The following DYM variants were observed in gnomAD, a reference collection of about 807,000 sequenced individuals.
DYM encodes the protein dymeclin, also known as dyggve-Melchior-Clausen syndrome protein.
A neutral mutation model predicts 93.1 loss-of-function variants in DYM; 78 were observed. That is an observed-to-expected ratio of 0.84 (90% CI 0.70 to 1.01). DYM has a LOEUF of 1.01. Ranked by LOEUF, DYM falls within the 50% of genes least tolerant of loss-of-function variation. DYM has a pLI of 0.00. For synonymous variants in DYM, 321 were observed against 319.7 expected, an observed-to-expected ratio of 1.00 and a Z score of -0.04; for missense variants, 789 against 845.0, an observed-to-expected ratio of 0.93 and a Z score of 0.82.
At chr18:49,168,287 A>G (rs1049429838) in intron 14 of DYM, among the ~76,000 whole-genome samples, 1 of 152,322 alleles carries the variant, frequency 6.6e-6, no homozygotes, top group South Asian at 2.1e-4. Context: ...AACACTGGAT[A>G]CATACATGAG....
At chr18:49,186,328 C>CT (rs1305051249) in intron 14 of DYM, among the ~76,000 whole-genome samples, 1 of 152,120 alleles carries the variant, frequency 6.6e-6, no homozygotes, top group Non-Finnish European at 1.5e-5. Context: ...TAAAGCACAA[C>CT]TTTTTTTCTT....
rs1235395372 is a variant in DYM at position 49,038,965 on chromosome 18, AATT to A, written c.*5087_*5089del. Among the ~76,000 whole-genome samples, 1 of 152,206 alleles carries A rather than the reference AATT, an allele frequency of 6.6e-6. No individual in the cohort carries two copies. Among genetic ancestry groups the A allele is most frequent in the Non-Finnish European group, 1.5e-5 (1 of 68,030 alleles). ...ATATATTTAAAACTCCATAAGACAT[AATT>A]ATTGTTTTATGTAGTCAATATTTAT... On this transcript the variant is annotated 3_prime_UTR_variant, in exon 18 of 18. Coordinates refer to ENST00000675505, the MANE Select transcript of DYM (RefSeq NM_001353214.3).
intron 1 of DYM, among the ~76,000 whole-genome samples, chr18:49,454,790 C>G (rs971214521): frequency 6.6e-6 from 1 of 151,632 alleles, no homozygotes; most frequent in African/African-American, 2.4e-5. Context: ...CGCCTGTAGT[C>G]CCAGCTACTC....
intron 2 of DYM, among the ~76,000 whole-genome samples, chr18:49,409,330 A>G (rs1488005828): frequency 6.6e-6 from 1 of 151,972 alleles, no homozygotes; most frequent in Admixed American, 6.6e-5. Flanking sequence ...AGCAAATATT[A>G]AATAAAAAAT....
intron 16 of DYM, among the ~76,000 whole-genome samples, chr18:49,108,593 G>A (rs979715388): frequency 1.3e-5 from 2 of 152,214 alleles, no homozygotes; most frequent in African/African-American, 4.8e-5. Context: ...TGTGGTCAAA[G>A]AATATACTCT....
chr18:49,373,749 T>G (rs1268152431), intron 5 of DYM, among the ~76,000 whole-genome samples: 1 of 152,200 alleles, frequency 6.6e-6, no homozygotes, highest in African/African-American at 2.4e-5. Flanking sequence ...AATATGCACA[T>G]TTTGTAGGAC....
chr18:49,458,239 T>C (rs1244336164), intron 1 of DYM, among the ~76,000 whole-genome samples: 2 of 152,142 alleles, frequency 1.3e-5, no homozygotes, highest in African/African-American at 2.4e-5. Context: ...TTGTAACATA[T>C]TTCACTTCTA....
chr18:49,073,256 A>G (rs1195631246), intron 17 of DYM, among the ~76,000 whole-genome samples: 1 of 152,240 alleles, frequency 6.6e-6, no homozygotes, highest in Non-Finnish European at 1.5e-5. Flanking sequence ...GGCAATTCTC[A>G]TAACTCTATA....
intron 17 of DYM, among the ~76,000 whole-genome samples, chr18:49,047,484 T>C (rs1662122): frequency 1 from 151,577 of 152,318 alleles, 75,428 homozygotes; most frequent in Middle Eastern, 1. Context: ...CTGACACGAG[T>C]CAGAGTTCAA....
intron 16 of DYM, among the ~76,000 whole-genome samples, chr18:49,103,174 G>A (rs1012202898): frequency 3.3e-5 from 5 of 152,164 alleles, no homozygotes; most frequent in Admixed American, 3.3e-4. Flanking sequence ...CAGTGATGAT[G>A]AGCATTTTTT....
At chr18:49,361,701 A>G (rs575263818) in intron 6 of DYM, among the ~76,000 whole-genome samples, 1 of 152,120 alleles carries the variant, frequency 6.6e-6, no homozygotes, top group Non-Finnish European at 1.5e-5. Flanking sequence ...TCAGGGGGAC[A>G]ATATATTTTT....
At chr18:49,294,138 T>C (rs2060361539) in intron 8 of DYM, among the ~76,000 whole-genome samples, 1 of 152,172 alleles carries the variant, frequency 6.6e-6, no homozygotes, top group Admixed American at 6.5e-5. Flanking sequence ...ATGTGTGGTG[T>C]TATTTCTGAG....
intron 13 of DYM, among the ~76,000 whole-genome samples, chr18:49,237,105 T>C (rs2093890112): frequency 6.6e-6 from 1 of 152,062 alleles, no homozygotes; most frequent in Admixed American, 6.5e-5. Context: ...TCAATCACTT[T>C]ATGGGACAAG....
At chr18:49,160,503 G>A (rs996938822) in intron 15 of DYM, among the ~76,000 whole-genome samples, 5 of 149,006 alleles carry the variant, frequency 3.4e-5, no homozygotes, top group African/African-American at 1.2e-4. Flanking sequence ...TTATTTTTAA[G>A]TACTTATTCA....
intron 11 of DYM, among the ~76,000 whole-genome samples, chr18:49,261,432 A>T (rs1036889384): frequency 2.0e-5 from 3 of 152,248 alleles, no homozygotes; most frequent in Non-Finnish European, 4.4e-5. Flanking sequence ...GCACTTTGGG[A>T]GGCCAAGGTG....
At chr18:49,248,953 T>C (rs76596667) in intron 13 of DYM, among the ~76,000 whole-genome samples, 80 of 152,238 alleles carry the variant, frequency 5.3e-4, no homozygotes, top group Non-Finnish European at 8.8e-4. Flanking sequence ...TAACTTTAGG[T>C]ACTTAGATAG....
intron 8 of DYM, among the ~76,000 whole-genome samples, chr18:49,314,347 A>G (rs2061792824): frequency 6.6e-6 from 1 of 152,222 alleles, no homozygotes; most frequent in African/African-American, 2.4e-5. Context: ...ATTGAACATA[A>G]TACTTTTTAT....
intron 13 of DYM, among the ~76,000 whole-genome samples, chr18:49,245,978 T>C (rs1429431828): frequency 6.6e-6 from 1 of 152,224 alleles, no homozygotes; most frequent in Admixed American, 6.5e-5. Context: ...CCCCGATAGG[T>C]GACTGCTATT....
At chr18:49,232,815 G>A (rs575299616) in intron 13 of DYM, among the ~76,000 whole-genome samples, 123 of 151,600 alleles carry the variant, frequency 8.1e-4, no homozygotes, top group Non-Finnish European at 1.6e-3. Flanking sequence ...CACCACGTTG[G>A]CTAGGTTGGT....
Sources: allele counts gnomAD v4.1 joint callset (sites outside exome capture counted in the v4.1 genomes callset), GRCh38; gene constraint gnomAD v4.1.1; transcripts MANE v1.5; gene names NCBI Gene and HGNC (gene_info 2026-07-23, HGNC 2026-07-21).